The following PCDHGA11 variants were observed in gnomAD, a reference collection of about 807,000 sequenced individuals.
PCDHGA11 encodes protocadherin gamma-A11.
PCDHGA11 carries 39 observed loss-of-function variants against 60.4 expected under a neutral mutation model. The ratio of observed to expected loss-of-function variants is 0.65; its 90% CI spans 0.50 to 0.84. PCDHGA11 has a LOEUF of 0.84. Ranked by LOEUF, PCDHGA11 falls within the 40% of genes least tolerant of loss-of-function variation. The pLI is 0.00. For missense variants in PCDHGA11, 1,165 were observed against 1,197.7 expected (o/e 0.97, Z 0.40); for synonymous variants, 533 against 510.3 (o/e 1.04, Z -0.60).
chr5:141,454,932 C>G (rs945154196), intron 1 of PCDHGA11, among the ~76,000 whole-genome samples: 7 of 150,770 alleles, frequency 4.6e-5, no homozygotes, highest in Non-Finnish European at 1.0e-4. Context: ...CTCAGCCTCC[C>G]GAGTAGCTGG....
chr5:141,447,681 C>T (rs2098548531), intron 1 of PCDHGA11, among the ~76,000 whole-genome samples: 1 of 152,066 alleles, frequency 6.6e-6, no homozygotes, highest in African/African-American at 2.4e-5. Flanking sequence ...TGTTCCATAT[C>T]TTGATAGAGG....
In PCDHGA11 at chr5:141,512,264, C is replaced by G. The variant is rs1453959730; in HGVS notation, c.*1091C>G. 6.5e-6 allele frequency: 1 copy of G among 152,684 alleles called. No homozygotes were observed. The highest frequency in any genetic ancestry group is 1.5e-5 in the Non-Finnish European group (1 of 68,096). 9.5% of individuals were successfully genotyped at this position (152,684 alleles called of 1,614,324 possible). ...GGGGCCTCTGTGGGTGCTGGGTACTCCAGAGGTGCCACTGGTGGAAGGGTC... is the reference window on the plus strand; with the variant it reads ...GGGGCCTCTGTGGGTGCTGGGTACTGCAGAGGTGCCACTGGTGGAAGGGTC... On this transcript the variant is annotated 3_prime_UTR_variant, in exon 4 of 4. Transcript: ENST00000398587.
rs1188564125 is a variant in PCDHGA11, at chr5:141,421,417, G to A, written c.190G>A (p.Gly64Arg). 1.2e-6 allele frequency: 2 copies of A among 1,613,950 alleles called. No individual in the cohort carries two copies. The highest frequency in any genetic ancestry group is 1.7e-6 in the Non-Finnish European group (2 of 1,179,920). ...GGAGCCCCGGGAGCTGGCGAAGCGCGGAGTCCGCATCGTCTCCAGAGGGAA... is the reference window on the plus strand; with the variant it reads ...GGAGCCCCGGGAGCTGGCGAAGCGCAGAGTCCGCATCGTCTCCAGAGGGAA... ...GLEPRELAKRGVRIVSRGKTQ... is the reference protein window; with the variant it reads ...GLEPRELAKRRVRIVSRGKTQ... The change falls in exon 1 of 4, where the codon GGA (glycine) becomes AGA (arginine). Residue 64 changes from glycine to arginine, a missense_variant. Physicochemically the swap from Gly to Arg is moderately radical, Grantham distance 125. Transcript: ENST00000398587.
At chr5:141,437,460 T>C (rs2097886220) in intron 1 of PCDHGA11, among the ~76,000 whole-genome samples, 1 of 152,230 alleles carries the variant, frequency 6.6e-6, no homozygotes, top group South Asian at 2.1e-4. Flanking sequence ...GAGACTATAC[T>C]ATACTTTTAT....
chr5:141,453,700 G>T (rs953445370), intron 1 of PCDHGA11, among the ~76,000 whole-genome samples: 1 of 152,166 alleles, frequency 6.6e-6, no homozygotes, highest in East Asian at 1.9e-4. Flanking sequence ...TCCTGGCTTT[G>T]AACAGTTTCA....
chr5:141,485,279 C>T lies in PCDHGA11; in HGVS notation c.2434-9528C>T. 1 of 1,614,108 alleles carries T rather than the reference C, an allele frequency of 6.2e-7. No individual in the cohort carries two copies. Among genetic ancestry groups the T allele is most frequent in the Non-Finnish European group, 8.5e-7 (1 of 1,179,966 alleles). ...TTGTGGGCAGATCCGCTACCCGGTC[C>T]CAGAGGAGTCACAGGAAGGGACTTT... On this transcript the variant is annotated intron_variant, in intron 1 of 3. Transcript: ENST00000398587. The surrounding 1 kb of genome is among the most constrained non-coding windows in gnomAD (Gnocchi z 5.7).
chr5:141,449,160 T>G (rs6867451), intron 1 of PCDHGA11, among the ~76,000 whole-genome samples: 8,161 of 152,140 alleles, frequency 0.054, 458 homozygotes, highest in African/African-American at 0.15. Context: ...AAAGAGGAAA[T>G]AGGTGTAATT....
chr5:141,435,334 T>A (rs1223377462), intron 1 of PCDHGA11, among the ~76,000 whole-genome samples: 1 of 152,196 alleles, frequency 6.6e-6, no homozygotes, highest in African/African-American at 2.4e-5. Flanking sequence ...ATATAGTGAA[T>A]TTATTTCTTC....
chr5:141,490,215 G>C lies in PCDHGA11; in HGVS notation c.2434-4592G>C. 6.2e-7 allele frequency: 1 copy of C among 1,614,254 alleles called. No individual in the cohort carries two copies. Among genetic ancestry groups the C allele is most frequent in the African/African-American group, 1.3e-5 (1 of 75,078 alleles). On this transcript the variant is annotated intron_variant, in intron 1 of 3. Coordinates refer to ENST00000398587, the MANE Select transcript of PCDHGA11 (RefSeq NM_018914.3). The surrounding 1 kb of genome is among the most constrained non-coding windows in gnomAD (Gnocchi z 5.4). ...AAATTCATGCAAGAGCCCGTGACCA[G>C]GGACAGCCTGCCATGGAGGGCCACT... is the stretch of plus-strand genomic sequence containing the variant.
chr5:141,466,928 T>TTAG (rs1231908662), intron 1 of PCDHGA11, among the ~76,000 whole-genome samples: 1 of 152,220 alleles, frequency 6.6e-6, no homozygotes, highest in Non-Finnish European at 1.5e-5. Context: ...ATTAGGAATA[T>TTAG]TAGTCCTTTG....
intron 2 of PCDHGA11, among the ~76,000 whole-genome samples, chr5:141,495,623 C>T (rs990126072): frequency 3.3e-5 from 5 of 152,208 alleles, no homozygotes; most frequent in South Asian, 2.1e-4. Context: ...GCACCTCAGC[C>T]TCAGTCCCTT....
chr5:141,459,545 T>G (rs534173050), intron 1 of PCDHGA11, among the ~76,000 whole-genome samples: 81 of 152,348 alleles, frequency 5.3e-4, no homozygotes, highest in South Asian at 1.0e-3. Context: ...TTTTTTTATT[T>G]CTCTTGGATA....
At chr5:141,495,710 G>C (rs2099763133) in intron 2 of PCDHGA11, among the ~76,000 whole-genome samples, 1 of 152,148 alleles carries the variant, frequency 6.6e-6, no homozygotes, top group Non-Finnish European at 1.5e-5. Flanking sequence ...TGTGGAGTGA[G>C]TAACTACACG....
intron 1 of PCDHGA11, among the ~76,000 whole-genome samples, chr5:141,483,907 C>T (rs545585133): frequency 6.0e-5 from 9 of 151,124 alleles, no homozygotes; most frequent in Non-Finnish European, 1.0e-4. Flanking sequence ...TGGTGTGTTT[C>T]CCACTCAGAT....
In PCDHGA11 at chr5:141,490,537, T is replaced by C; in HGVS notation, c.2434-4270T>C. On this transcript the variant is annotated intron_variant, in intron 1 of 3. Transcript: ENST00000398587. This position sits in a 1 kb window ranked among gnomAD's most constrained non-coding sequence, Gnocchi z 5.4. ...GCTGGCCAGCGATGCTGGTTCACCT[T>C]CCCTACACAAACATCTCACCATCAG... is the stretch of plus-strand genomic sequence containing the variant. 1.9e-6 allele frequency: 3 copies of C among 1,614,180 alleles called. No homozygotes were observed. The highest frequency in any genetic ancestry group is 8.5e-7 in the Non-Finnish European group (1 of 1,180,028).
chr5:141,499,731 C>T (rs2099794093), intron 2 of PCDHGA11, among the ~76,000 whole-genome samples: 1 of 138,132 alleles, frequency 7.2e-6, no homozygotes, highest in African/African-American at 2.7e-5. Context: ...GTCTCACTCT[C>T]TTGCCCAGGC....
At chr5:141,427,361 A>C in intron 1 of PCDHGA11, 1 of 457,772 alleles carries the variant, frequency 2.2e-6, no homozygotes, top group Non-Finnish European at 4.4e-6. Flanking sequence ...AGGACGCAGA[A>C]CCCTGGACGG....
At chr5:141,502,932 C>T (rs1039438031) in intron 2 of PCDHGA11, among the ~76,000 whole-genome samples, 2 of 143,766 alleles carry the variant, frequency 1.4e-5, no homozygotes, top group African/African-American at 5.3e-5. Context: ...CAACCTTCAC[C>T]TCCTGGGTTC....
Position 141,489,242 on chromosome 5 carries a change from T to C in PCDHGA11, c.2434-5565T>C. ...TCTCCACAAAGGGACTTCTGGGTCA[T>C]GGGGCCCAAGACACTCCCACAGCTC... On this transcript the variant is annotated intron_variant, in intron 1 of 3. Transcript: ENST00000398587. This position sits in a 1 kb window ranked among gnomAD's most constrained non-coding sequence, Gnocchi z 4.5. 6.5e-7 allele frequency: 1 copy of C among 1,534,502 alleles called. No individual in the cohort carries two copies. The highest frequency in any genetic ancestry group is 8.8e-7 in the Non-Finnish European group (1 of 1,141,994).
Sources: allele counts gnomAD v4.1 joint callset (sites outside exome capture counted in the v4.1 genomes callset), GRCh38; gene constraint gnomAD v4.1.1; non-coding constraint Gnocchi (gnomAD v3.1); transcripts MANE v1.5; gene names NCBI Gene and HGNC (gene_info 2026-07-23, HGNC 2026-07-21).